Variants in IFT80 observed in about 807,000 individuals in gnomAD.
IFT80 encodes intraflagellar transport protein 80 homolog.
In IFT80, 79 loss-of-function variants were observed where a neutral mutation model predicts 107.9. That is an observed-to-expected ratio of 0.73 (90% confidence interval 0.61 to 0.88). IFT80 has a LOEUF of 0.88. Among genes scored for constraint, IFT80 ranks in the 40% least tolerant of loss-of-function variants. IFT80 has a pLI of 0.00. For synonymous variants in IFT80, 299 were observed against 300.9 expected (o/e 0.99, Z 0.07); for missense variants, 797 against 914.2 (o/e 0.87, Z 1.65).
At chr3:160,333,966 A>T (rs1719275642) in intron 8 of IFT80, among the ~76,000 whole-genome samples, 1 of 152,168 alleles carries the variant, frequency 6.6e-6, no homozygotes, top group African/African-American at 2.4e-5. Context: ...ACACATAAGT[A>T]ATGTGTTGTA....
intron 12 of IFT80, among the ~76,000 whole-genome samples, chr3:160,299,561 C>T (rs953619265): frequency 6.6e-6 from 1 of 152,122 alleles, no homozygotes; most frequent in African/African-American, 2.4e-5. Context: ...CCTCTTACCT[C>T]ACTGGCTCCT....
rs1223074347 is a variant in IFT80 at position 160,377,452 on chromosome 3, A to G, written c.348T>C (p.Tyr116=). Residue 116 remains tyrosine, a synonymous_variant, in exon 4 of 20, where the codon TAT becomes TAC. Coordinates refer to ENST00000326448, the MANE Select transcript of IFT80 (RefSeq NM_020800.3). The part of the protein sequence containing the change: ...CGAVLAGRWN[Y]EGTALVTVGE... ...TACCTGTAACTAATGCTGTTCCTTC[A>G]TAATTCCATCTTCCTGCAAGTACTG... 32 of 1,601,722 alleles carry G rather than the reference A, an allele frequency of 2.0e-5. No homozygotes were observed. The highest frequency in any genetic ancestry group is 5.0e-5 in the Admixed American group (3 of 59,896).
chr3:160,267,196 C>A (rs1445817285), intron 19 of IFT80, among the ~76,000 whole-genome samples: 3 of 152,092 alleles, frequency 2.0e-5, no homozygotes, highest in Non-Finnish European at 4.4e-5. Context: ...TTCTGAAGTG[C>A]AAAAATGTAG....
In IFT80 at chr3:160,291,695, T is replaced by C. The variant is rs112333341; in HGVS notation, c.1316-5827A>G. On this transcript the variant is annotated intron_variant, in intron 12 of 19. Transcript: ENST00000326448. ...TAACTCGCAGGCCATGGTCACATGG[T>C]CAGGCAAGAAGGACAGTGGAAAACT... 1.7e-3 allele frequency among the ~76,000 whole-genome samples: 261 copies of C among 152,228 alleles called. 1 individual carries two copies. The highest frequency in any genetic ancestry group is 5.8e-3 in the African/African-American group (241 of 41,534).
chr3:160,365,841 A>G (rs997867543), intron 6 of IFT80, among the ~76,000 whole-genome samples: 2 of 152,120 alleles, frequency 1.3e-5, no homozygotes, highest in Non-Finnish European at 2.9e-5. Flanking sequence ...ATCATTATCA[A>G]AATGAGTTGG....
At chr3:160,370,549 TTAAA>T (rs931717114) in intron 5 of IFT80, among the ~76,000 whole-genome samples, 21 of 149,682 alleles carry the variant, frequency 1.4e-4, no homozygotes, top group African/African-American at 2.5e-5. Context: ...AAGAAAAAGT[TTAAA>T]TAAAGGCATT....
At chr3:160,318,403 G>C (rs1163761537) in intron 9 of IFT80, among the ~76,000 whole-genome samples, 5 of 151,992 alleles carry the variant, frequency 3.3e-5, no homozygotes, top group Non-Finnish European at 7.4e-5. Flanking sequence ...TATGAATACT[G>C]AAGATAGAGG....
At chr3:160,390,060 T>A (rs1429998046) in intron 1 of IFT80, among the ~76,000 whole-genome samples, 1 of 152,150 alleles carries the variant, frequency 6.6e-6, no homozygotes, top group East Asian at 1.9e-4. Context: ...TAACGAGAGA[T>A]AAAACTCTGA....
chr3:160,313,285 G>A (rs1383611289), intron 9 of IFT80, among the ~76,000 whole-genome samples: 6 of 149,736 alleles, frequency 4.0e-5, no homozygotes. Flanking sequence ...GAAGTTGTAT[G>A]TTAGTTTCTT....
chr3:160,284,228 T>C (rs1714917670), intron 13 of IFT80, among the ~76,000 whole-genome samples: 1 of 152,052 alleles, frequency 6.6e-6, no homozygotes, highest in African/African-American at 2.4e-5. Flanking sequence ...ATTATTTTAA[T>C]TGTAAATTAG....
chr3:160,348,690 G>A (rs1720465945), intron 8 of IFT80, among the ~76,000 whole-genome samples: 1 of 151,436 alleles, frequency 6.6e-6, no homozygotes, highest in African/African-American at 2.5e-5. Context: ...ATACCACTAA[G>A]TGTCCATTAA....
At chr3:160,321,955 C>T (rs981335485) in intron 8 of IFT80, among the ~76,000 whole-genome samples, 31 of 151,636 alleles carry the variant, frequency 2.0e-4, no homozygotes, top group African/African-American at 7.5e-4. Context: ...CCTGAGCATG[C>T]TTGTTTAAGA....
chr3:160,294,796 G>A (rs1425483273), intron 12 of IFT80, among the ~76,000 whole-genome samples: 1 of 152,198 alleles, frequency 6.6e-6, no homozygotes, highest in Non-Finnish European at 1.5e-5. Flanking sequence ...CTAAACTCTT[G>A]AGGGAGGCTT....
intron 18 of IFT80, among the ~76,000 whole-genome samples, chr3:160,274,069 G>C (rs1714042182): frequency 6.6e-6 from 1 of 152,208 alleles, no homozygotes; most frequent in African/African-American, 2.4e-5. Flanking sequence ...AGGGGGGCAT[G>C]CGGGGAACAG....
intron 2 of IFT80, chr3:160,384,035 G>A (rs530259115): frequency 1.0e-4 from 58 of 562,012 alleles, no homozygotes; most frequent in African/African-American, 1.0e-3. Flanking sequence ...ACCTGAGGTC[G>A]AGAGTTCGAG....
In IFT80 at chr3:160,380,708, A is replaced by G. The variant is rs539399275; in HGVS notation, c.259+795T>C. 5.4e-3 allele frequency among the ~76,000 whole-genome samples: 679 copies of G among 125,882 alleles called. 5 individuals are homozygous for G. The highest frequency in any genetic ancestry group is 0.022 in the African/African-American group (655 of 29,590). The allele number at this position is 125,882 out of a possible 152,430, so 82.6% of individuals were successfully genotyped here. On this transcript the variant is annotated intron_variant, in intron 3 of 19. Coordinates refer to ENST00000326448, the MANE Select transcript of IFT80 (RefSeq NM_020800.3). ...TATAAAAACATACCCTTAAAAAGTG[A>G]AAAAAAAAATCATACTTGTTATTCA...
chr3:160,353,094 C>A (rs1394558949), intron 8 of IFT80, among the ~76,000 whole-genome samples: 2 of 152,140 alleles, frequency 1.3e-5, no homozygotes, highest in African/African-American at 4.8e-5. Context: ...ATACTAAATT[C>A]TTAATTTTTC....
intron 8 of IFT80, among the ~76,000 whole-genome samples, chr3:160,347,553 G>A (rs1334877947): frequency 1.3e-5 from 2 of 152,094 alleles, no homozygotes; most frequent in African/African-American, 4.8e-5. Context: ...ATCTAAAGAG[G>A]AAGGAAAAGA....
At chr3:160,317,597 T>C (rs1717912642) in intron 9 of IFT80, among the ~76,000 whole-genome samples, 1 of 152,144 alleles carries the variant, frequency 6.6e-6, no homozygotes, top group Non-Finnish European at 1.5e-5. Flanking sequence ...ATGGATTCTA[T>C]GTCATATACA....
Sources: gnomAD v4.1 joint callset for allele counts (sites outside exome capture counted in the v4.1 genomes callset) on GRCh38, gnomAD v4.1.1 for gene constraint, MANE v1.5 for transcripts, NCBI Gene and HGNC (gene_info 2026-07-23, HGNC 2026-07-21) for gene names.